ZC2HC1B: variants seen among roughly 807,000 people sequenced by gnomAD.
ZC2HC1B encodes zinc finger C2HC-type containing 1B.
A neutral mutation model predicts 31.0 loss-of-function variants in ZC2HC1B; 36 were observed. The observed-to-expected ratio is 1.16, with a 90% confidence interval of 0.89 to 1.54. The LOEUF is 1.54. Ranked by LOEUF, ZC2HC1B falls within the 40% of genes most tolerant of loss-of-function variation. The pLI, the probability that ZC2HC1B is intolerant of heterozygous loss-of-function variation, is 0.00. For missense variants in ZC2HC1B, 260 were observed against 268.6 expected (o/e 0.97, Z 0.22); for synonymous variants, 73 against 88.0 (o/e 0.83, Z 0.95).
rs1183441546 is a variant in ZC2HC1B at position 143,915,242 on chromosome 6, G to A, written c.598+12090G>A. Reference sequence around the variant, plus strand: ...TCACGAGATCTGATGGTTTTAAAAAGAGGAGTTCCCCTGCACAATCTCTGT... The same window carrying A: ...TCACGAGATCTGATGGTTTTAAAAAAAGGAGTTCCCCTGCACAATCTCTGT... On this transcript the variant is annotated intron_variant, in intron 6 of 7. Coordinates refer to ENST00000237275, the MANE Select transcript of ZC2HC1B (RefSeq NM_001013623.3). This position sits in a 1 kb window ranked among gnomAD's most constrained non-coding sequence, Gnocchi z 5.2. Among the ~76,000 whole-genome samples the A allele has an allele frequency of 6.6e-6, 1 of 152,162 alleles. No homozygotes were observed. The highest frequency in any genetic ancestry group is 1.5e-5 in the Non-Finnish European group (1 of 68,028).
chr6:143,921,667 C>T lies in ZC2HC1B; in HGVS notation c.599-15982C>T, dbSNP rs1003136414. Among the ~76,000 whole-genome samples the T allele has an allele frequency of 6.6e-6, 1 of 152,222 alleles. No homozygotes were observed. Among genetic ancestry groups the T allele is most frequent in the Non-Finnish European group, 1.5e-5 (1 of 68,034 alleles). ...ATTGCTGGCTGGGTGTGGTGGCTCA[C>T]ATTTATAATCCCGGTGCTTTGGGAG... On this transcript the variant is annotated intron_variant, in intron 6 of 7. Transcript: ENST00000237275. The surrounding 1 kb of genome is among the most constrained non-coding windows in gnomAD (Gnocchi z 6.1).
chr6:143,894,724 CA>C (rs1397543511), intron 4 of ZC2HC1B, among the ~76,000 whole-genome samples: 1 of 152,086 alleles, frequency 6.6e-6, no homozygotes, highest in Non-Finnish European at 1.5e-5. Context: ...TTTCATATAA[CA>C]AAAAACATCT....
At chr6:143,879,545 G>A (rs778990348) in intron 1 of ZC2HC1B, among the ~76,000 whole-genome samples, 4 of 152,100 alleles carry the variant, frequency 2.6e-5, no homozygotes, top group Non-Finnish European at 4.4e-5. Context: ...CTAAATATTT[G>A]CATGTTCTGG....
rs186470324 is a variant in ZC2HC1B at position 143,921,213 on chromosome 6, T to A, written c.599-16436T>A. On this transcript the variant is annotated intron_variant, in intron 6 of 7. Coordinates refer to ENST00000237275, the MANE Select transcript of ZC2HC1B (RefSeq NM_001013623.3). This position sits in a 1 kb window ranked among gnomAD's most constrained non-coding sequence, Gnocchi z 6.1. Reference sequence around the variant, plus strand: ...TGCTAAAGTGTCGCCTCAGTGAGACTTCTCCAACCTCTGTATTTAAAACTA... The same window carrying A: ...TGCTAAAGTGTCGCCTCAGTGAGACATCTCCAACCTCTGTATTTAAAACTA... 2.3e-3 allele frequency among the ~76,000 whole-genome samples: 348 copies of A among 152,356 alleles called. No homozygotes were observed. The highest frequency in any genetic ancestry group is 8.0e-3 in the African/African-American group (334 of 41,576).
intron 4 of ZC2HC1B, among the ~76,000 whole-genome samples, chr6:143,889,922 A>C (rs1777577083): frequency 6.6e-6 from 1 of 152,194 alleles, no homozygotes; most frequent in Non-Finnish European, 1.5e-5. Flanking sequence ...ACCACAAAGT[A>C]GGTCTCAAAT....
In ZC2HC1B at chr6:143,938,107, A is replaced by G. The variant is rs1000433487; in HGVS notation, c.*15-35A>G. The G allele has an allele frequency of 6.4e-6, 1 of 155,224 alleles. No homozygotes were observed. The highest frequency in any genetic ancestry group is 6.5e-5 in the Admixed American group (1 of 15,396). The allele number at this position is 155,224 out of a possible 1,614,324, so 9.6% of individuals were successfully genotyped here. On this transcript the variant is annotated intron_variant, in intron 7 of 7. Coordinates refer to ENST00000237275, the MANE Select transcript of ZC2HC1B (RefSeq NM_001013623.3). The surrounding 1 kb of genome is among the most constrained non-coding windows in gnomAD (Gnocchi z 4.2). The stretch of plus-strand genomic sequence containing the variant: ...GCATTCTCAATGTGGAAACAATGAC[A>G]TTCTAAAGTAAATGCCTCTTCTTTC...
intron 6 of ZC2HC1B, among the ~76,000 whole-genome samples, chr6:143,912,938 G>T (rs1777877745): frequency 6.6e-6 from 1 of 152,206 alleles, no homozygotes; most frequent in Non-Finnish European, 1.5e-5. Flanking sequence ...CCCTGTGGGT[G>T]GGACCTGACT....
rs985100736 is a variant in ZC2HC1B at position 143,921,930 on chromosome 6, T to G, written c.599-15719T>G. Among the ~76,000 whole-genome samples the G allele has an allele frequency of 1.3e-5, 2 of 152,164 alleles. No individual in the cohort carries two copies. Among genetic ancestry groups the G allele is most frequent in the Admixed American group, 6.5e-5 (1 of 15,274 alleles). On this transcript the variant is annotated intron_variant, in intron 6 of 7. Transcript: ENST00000237275. The surrounding 1 kb of genome is among the most constrained non-coding windows in gnomAD (Gnocchi z 6.1). ...CCAGTCTGGGTGACAAAGTAAGTCCTTTTCTCTTAAAAAAAATAAAAATAA... is the reference window on the plus strand; with the variant it reads ...CCAGTCTGGGTGACAAAGTAAGTCCGTTTCTCTTAAAAAAAATAAAAATAA...
At position 143,937,650 on chromosome 6, in the gene ZC2HC1B, A is replaced by T; in HGVS notation, c.600A>T (p.Gly200=). 6.5e-7 allele frequency: 1 copy of T among 1,547,846 alleles called. No homozygotes were observed. The highest frequency in any genetic ancestry group is 1.2e-5 in the South Asian group (1 of 82,876). ...ACAAATCTGTTTATGTTTGCAAAGGATTAGCTATGGACCCTGCTTCTGGAG... is the reference window on the plus strand; with the variant it reads ...ACAAATCTGTTTATGTTTGCAAAGGTTTAGCTATGGACCCTGCTTCTGGAG... The part of the protein sequence containing the change: ...VATNEVPTKS[G]LAMDPASGAK... The change falls in exon 7 of 8, where the codon GGA becomes GGT. Residue 200 remains glycine, a splice_region_variant and synonymous_variant. Transcript: ENST00000237275.
At chr6:143,867,274 A>G (rs1777276126) in intron 1 of ZC2HC1B, among the ~76,000 whole-genome samples, 1 of 152,212 alleles carries the variant, frequency 6.6e-6, no homozygotes, top group African/African-American at 2.4e-5. Context: ...GTATCCTTAA[A>G]CACAACATCT....
chr6:143,877,349 C>T (rs1276230987), intron 1 of ZC2HC1B, among the ~76,000 whole-genome samples: 1 of 122,526 alleles, frequency 8.2e-6, no homozygotes, highest in Non-Finnish European at 1.6e-5. Flanking sequence ...ATGGCGCCAT[C>T]TCAGTTCACC....
At chr6:143,932,995 G>A (rs182913082) in intron 6 of ZC2HC1B, among the ~76,000 whole-genome samples, 1 of 152,312 alleles carries the variant, frequency 6.6e-6, no homozygotes, top group Non-Finnish European at 1.5e-5. Context: ...GATGCAATTT[G>A]TCTTCGGGTC....
Position 143,869,188 on chromosome 6 carries a change from C to G in ZC2HC1B, c.28+4621C>G, listed in dbSNP as rs1777306919. Reference sequence around the variant, plus strand: ...CCTGGATTAGGCTGTTGTAGTTTCCCATTGACCTGAATCACAGGACATGGT... The same window carrying G: ...CCTGGATTAGGCTGTTGTAGTTTCCGATTGACCTGAATCACAGGACATGGT... On this transcript the variant is annotated intron_variant, in intron 1 of 7. Transcript: ENST00000237275. The surrounding 1 kb of genome is among the most constrained non-coding windows in gnomAD (Gnocchi z 5.2). 6.6e-6 allele frequency among the ~76,000 whole-genome samples: 1 copy of G among 152,154 alleles called. No individual in the cohort carries two copies. Among genetic ancestry groups the G allele is most frequent in the African/African-American group, 2.4e-5 (1 of 41,434 alleles).
intron 1 of ZC2HC1B, among the ~76,000 whole-genome samples, chr6:143,879,373 A>G (rs919594218): frequency 1.3e-5 from 2 of 152,178 alleles, no homozygotes; most frequent in Non-Finnish European, 2.9e-5. Context: ...TTAGGGAGAA[A>G]GCAAAATTAG....
chr6:143,899,534 C>G lies in ZC2HC1B; in HGVS notation c.489+843C>G, dbSNP rs2128494948. Among the ~76,000 whole-genome samples the G allele has an allele frequency of 6.6e-6, 1 of 152,278 alleles. No homozygotes were observed. The highest frequency in any genetic ancestry group is 1.5e-5 in the Non-Finnish European group (1 of 68,026). On this transcript the variant is annotated intron_variant, in intron 5 of 7. Transcript: ENST00000237275. This position sits in a 1 kb window ranked among gnomAD's most constrained non-coding sequence, Gnocchi z 5.0. ...GGAACTACAGGTGCATAGCACCACG[C>G]CCAGCTAATTTTTTGTATTTTTAGT...
At position 143,918,972 on chromosome 6, in the gene ZC2HC1B, C is replaced by G. The variant is rs895284288; in HGVS notation, c.598+15820C>G. Reference sequence around the variant, plus strand: ...ATCTTTTTCTTGAGTCTCTTCACATCTTTTTTTAGTTCCCTGAGCATCTTC... The same window carrying G: ...ATCTTTTTCTTGAGTCTCTTCACATGTTTTTTTAGTTCCCTGAGCATCTTC... On this transcript the variant is annotated intron_variant, in intron 6 of 7. Transcript: ENST00000237275. The surrounding 1 kb of genome is among the most constrained non-coding windows in gnomAD (Gnocchi z 4.1). 6.6e-6 allele frequency among the ~76,000 whole-genome samples: 1 copy of G among 152,056 alleles called. No homozygotes were observed. The highest frequency in any genetic ancestry group is 3.4e-3 in the Middle Eastern group (1 of 294).
Position 143,868,329 on chromosome 6 carries a change from G to A in ZC2HC1B, c.28+3762G>A, listed in dbSNP as rs542528350. Among the ~76,000 whole-genome samples, 25 of 152,294 alleles carry A rather than the reference G, an allele frequency of 1.6e-4. 1 individual carries two copies. Among genetic ancestry groups the A allele is most frequent in the South Asian group, 4.2e-4 (2 of 4,818 alleles). ...CAATCACAAGGTCCCACAATAGGCC[G>A]TCTGCAAGCTGAGGAGCAAGGACAA... On this transcript the variant is annotated intron_variant, in intron 1 of 7. Coordinates refer to ENST00000237275, the MANE Select transcript of ZC2HC1B (RefSeq NM_001013623.3). This position sits in a 1 kb window ranked among gnomAD's most constrained non-coding sequence, Gnocchi z 4.2.
chr6:143,929,473 T>G (rs1237431848), intron 6 of ZC2HC1B, among the ~76,000 whole-genome samples: 1 of 152,228 alleles, frequency 6.6e-6, no homozygotes, highest in Non-Finnish European at 1.5e-5. Context: ...CTGTATGATT[T>G]TGTTTGCTTG....
intron 6 of ZC2HC1B, among the ~76,000 whole-genome samples, chr6:143,930,040 A>C (rs1778099959): frequency 6.6e-6 from 1 of 152,100 alleles, no homozygotes; most frequent in Non-Finnish European, 1.5e-5. Context: ...TCAAATGAAC[A>C]ACTTTTTGTT....
Sources: gnomAD v4.1 joint callset for allele counts (sites outside exome capture counted in the v4.1 genomes callset) on GRCh38, gnomAD v4.1.1 for gene constraint, Gnocchi (gnomAD v3.1) non-coding constraint, MANE v1.5 for transcripts, NCBI Gene and HGNC (gene_info 2026-07-23, HGNC 2026-07-21) for gene names.